The following CDH13 variants were observed in gnomAD, a reference collection of about 807,000 sequenced individuals.
The protein encoded by CDH13 is cadherin 13, also known as cadherin-13.
A neutral mutation model predicts 63.8 loss-of-function variants in CDH13; 24 were observed. The ratio of observed to expected loss-of-function variants is 0.38; its 90% CI spans 0.27 to 0.53. The LOEUF (loss-of-function observed/expected upper bound fraction) is 0.53. Among genes scored for constraint, CDH13 ranks in the 20% least tolerant of loss-of-function variants. The probability of loss-of-function intolerance (pLI) is 0.85; values close to 1 mark genes in which losing one functional copy is unlikely to be tolerated. For missense variants in CDH13, 1,049 were observed against 903.1 expected (o/e 1.16, Z -2.07); for synonymous variants, 503 against 355.3 (o/e 1.42, Z -4.67).
intron 1 of CDH13, among the ~76,000 whole-genome samples, chr16:82,857,855 TA>T (rs35975706): frequency 0.25 from 38,196 of 152,114 alleles, 5,102 homozygotes; most frequent in Middle Eastern, 0.31. Context: ...CTATGACTGT[TA>T]AAGTACTCAG....
chr16:83,516,432 G>C (rs915594172), intron 7 of CDH13, among the ~76,000 whole-genome samples: 2 of 152,214 alleles, frequency 1.3e-5, no homozygotes, highest in African/African-American at 2.4e-5. Flanking sequence ...GTATAAGGCA[G>C]AATCAAGAAG....
At chr16:82,704,265 C>A (rs1021807141) in intron 1 of CDH13, among the ~76,000 whole-genome samples, 2 of 152,194 alleles carry the variant, frequency 1.3e-5, no homozygotes, top group Non-Finnish European at 2.9e-5. Context: ...ATTTGGGCAT[C>A]TGTCTTGCTG....
chr16:83,319,778 A>C (rs1396193647), intron 5 of CDH13, among the ~76,000 whole-genome samples: 1 of 152,182 alleles, frequency 6.6e-6, no homozygotes, highest in Non-Finnish European at 1.5e-5. Context: ...GAAGAATGAG[A>C]ACACAGGGAA....
intron 10 of CDH13, among the ~76,000 whole-genome samples, chr16:83,685,055 G>A (rs969820946): frequency 1.3e-5 from 2 of 152,110 alleles, no homozygotes; most frequent in Non-Finnish European, 2.9e-5. Flanking sequence ...CTTCATATCT[G>A]CATTCCAGAC....
chr16:83,480,422 A>T (rs2073731933), intron 6 of CDH13, among the ~76,000 whole-genome samples: 1 of 151,794 alleles, frequency 6.6e-6, no homozygotes, highest in South Asian at 2.1e-4. Context: ...CACTGGCTTG[A>T]TTCTGCTTTG....
chr16:83,217,341 C>G lies in CDH13; in HGVS notation c.484-4C>G. The G allele has an allele frequency of 1.2e-6, 2 of 1,613,698 alleles. No homozygotes were observed. Among genetic ancestry groups the G allele is most frequent in the South Asian group, 1.1e-5 (1 of 91,074 alleles). On this transcript the variant is annotated splice_region_variant and splice_polypyrimidine_tract_variant and intron_variant, in intron 4 of 13. Transcript: ENST00000567109. ...TTTAAATGTCTCTCTGTTTTTCTGACTAGGTAGTCGATAGTGACAGGCCAG... is the reference window on the plus strand; with the variant it reads ...TTTAAATGTCTCTCTGTTTTTCTGAGTAGGTAGTCGATAGTGACAGGCCAG...
intron 1 of CDH13, among the ~76,000 whole-genome samples, chr16:82,636,736 A>AAG: frequency 6.6e-6 from 1 of 152,324 alleles, no homozygotes; most frequent in East Asian, 1.9e-4. Flanking sequence ...GGCCACTCTA[A>AAG]AGAAACACCC....
intron 11 of CDH13, among the ~76,000 whole-genome samples, chr16:83,749,027 G>C (rs1214908914): frequency 6.6e-6 from 1 of 152,172 alleles, no homozygotes; most frequent in South Asian, 2.1e-4. Context: ...TGAATGCAGA[G>C]CTGACAGGAT....
chr16:83,374,034 A>T (rs1439501700), intron 6 of CDH13, among the ~76,000 whole-genome samples: 1 of 152,198 alleles, frequency 6.6e-6, no homozygotes, highest in African/African-American at 2.4e-5. Flanking sequence ...CTAAGGACAG[A>T]GGGGAGGCAG....
At chr16:83,320,345 A>C (rs138042778) in intron 5 of CDH13, among the ~76,000 whole-genome samples, 126 of 152,212 alleles carry the variant, frequency 8.3e-4, no homozygotes, top group African/African-American at 3.0e-3. Flanking sequence ...AATGCCCAGC[A>C]TGGATTGTCC....
chr16:83,055,383 GA>G (rs532880721), intron 3 of CDH13, among the ~76,000 whole-genome samples: 1,664 of 139,648 alleles, frequency 0.012, 26 homozygotes, highest in African/African-American at 0.04. Context: ...GGGTAATTAA[GA>G]AAAAAAAAAG....
At chr16:82,981,503 A>G (rs1910260987) in intron 2 of CDH13, among the ~76,000 whole-genome samples, 1 of 152,108 alleles carries the variant, frequency 6.6e-6, no homozygotes, top group Non-Finnish European at 1.5e-5. Context: ...CTCCTGGGGT[A>G]AAGAGTCTTT....
intron 6 of CDH13, among the ~76,000 whole-genome samples, chr16:83,398,622 TGGC>T (rs2151439263): frequency 1.1e-5 from 1 of 92,422 alleles, no homozygotes; most frequent in Admixed American, 1.3e-4. Context: ...ATTCAATTCA[TGGC>T]AGTAGACCTG....
chr16:83,391,945 A>G (rs1432289566), intron 6 of CDH13, among the ~76,000 whole-genome samples: 1 of 152,092 alleles, frequency 6.6e-6, no homozygotes, highest in Non-Finnish European at 1.5e-5. Context: ...CCACCCAAAG[A>G]CTGTTTATCA....
rs369934066 is a variant in CDH13 at position 83,274,792 on chromosome 16, A to G, written c.636+57295A>G. Among the ~76,000 whole-genome samples, 278 of 152,306 alleles carry G rather than the reference A, an allele frequency of 1.8e-3. 11 individuals carry two copies. In the South Asian group the frequency reaches 0.055, roughly 30 times the overall value. ...GCCAGATCTACTACTAAGAACCTCC[A>G]TGGGTGTGAACTATAATTTGTAAGC... On this transcript the variant is annotated intron_variant, in intron 5 of 13. Coordinates refer to ENST00000567109, the MANE Select transcript of CDH13 (RefSeq NM_001257.5).
In CDH13 at chr16:83,152,700, T is replaced by C. The variant is rs188252763; in HGVS notation, c.483+27199T>C. Among the ~76,000 whole-genome samples, 121 of 152,324 alleles carry C rather than the reference T, an allele frequency of 7.9e-4. 1 individual carries two copies. Among genetic ancestry groups the C allele is most frequent in the Non-Finnish European group, 1.3e-4 (9 of 68,026 alleles). On this transcript the variant is annotated intron_variant, in intron 4 of 13. Coordinates refer to ENST00000567109, the MANE Select transcript of CDH13 (RefSeq NM_001257.5). Reference sequence around the variant, plus strand: ...TGTTTTGGACAAACACGCTATGTGGTTGTTACGGGCTGAATTGCATCCCCC... The same window carrying C: ...TGTTTTGGACAAACACGCTATGTGGCTGTTACGGGCTGAATTGCATCCCCC...
intron 3 of CDH13, among the ~76,000 whole-genome samples, chr16:83,069,212 C>T (rs1257934093): frequency 6.6e-6 from 1 of 152,158 alleles, no homozygotes; most frequent in Non-Finnish European, 1.5e-5. Flanking sequence ...TCAGTGGTCT[C>T]AATGTCATTC....
intron 3 of CDH13, among the ~76,000 whole-genome samples, chr16:83,036,381 C>G (rs1294054646): frequency 6.6e-6 from 1 of 151,884 alleles, no homozygotes; most frequent in Non-Finnish European, 1.5e-5. Flanking sequence ...AATTCCTGAC[C>G]TTAAGTGATC....
chr16:83,132,859 A>T (rs1201235545), intron 4 of CDH13, among the ~76,000 whole-genome samples: 2 of 152,186 alleles, frequency 1.3e-5, no homozygotes, highest in African/African-American at 4.8e-5. Flanking sequence ...TCTTCTTGAG[A>T]TGAACATCAC....
Sources: gnomAD v4.1 joint callset for allele counts (sites outside exome capture counted in the v4.1 genomes callset) on GRCh38, gnomAD v4.1.1 for gene constraint, MANE v1.5 for transcripts, NCBI Gene and HGNC (gene_info 2026-07-23, HGNC 2026-07-21) for gene names.